The following ZFP2 variants were observed in gnomAD, a reference collection of about 807,000 sequenced individuals.
The protein encoded by ZFP2 is ZFP2 zinc finger protein.
A neutral mutation model predicts 36.1 loss-of-function variants in ZFP2; 33 were observed. The observed-to-expected ratio is 0.92, with a 90% CI of 0.69 to 1.22. ZFP2 has a LOEUF of 1.22. Among genes scored for constraint, ZFP2 ranks in the 50% most tolerant of loss-of-function variants. ZFP2 has a pLI of 0.00. For missense variants in ZFP2, 522 were observed against 551.4 expected, an observed-to-expected ratio of 0.95 and a Z score of 0.53; for synonymous variants, 170 against 178.0, an observed-to-expected ratio of 0.96 and a Z score of 0.36.
chr5:178,903,561 T>A (rs1045896385), intron 1 of ZFP2, among the ~76,000 whole-genome samples: 2 of 152,240 alleles, frequency 1.3e-5, no homozygotes. Context: ...TGCTATACGT[T>A]GCCAGTATTC....
intron 1 of ZFP2, among the ~76,000 whole-genome samples, chr5:178,906,710 TG>T (rs895319586): frequency 6.6e-6 from 1 of 151,852 alleles, no homozygotes; most frequent in East Asian, 1.9e-4. Context: ...TACACGCCAC[TG>T]TGTCTGGCTA....
At position 178,932,380 on chromosome 5, in the gene ZFP2, G is replaced by T; in HGVS notation, c.1067G>T (p.Cys356Phe). The change falls in exon 5 of 5, where the codon TGT becomes TTT. Residue 356 changes from cysteine (C) to phenylalanine (F), a missense_variant. Coordinates refer to ENST00000361362, the MANE Select transcript of ZFP2 (RefSeq NM_030613.4). ...RIHTGEKPYE[C>F]MVCGKHFTGR... ...CACACTGGAGAGAAACCTTATGAGT[G>T]TATGGTGTGTGGAAAACATTTCACT... 6.2e-7 allele frequency: 1 copy of T among 1,614,128 alleles called. No homozygotes were observed. Among genetic ancestry groups the T allele is most frequent in the Non-Finnish European group, 8.5e-7 (1 of 1,180,024 alleles).
At chr5:178,919,807 C>T (rs1758515480) in intron 4 of ZFP2, among the ~76,000 whole-genome samples, 1 of 151,930 alleles carries the variant, frequency 6.6e-6, no homozygotes, top group African/African-American at 2.4e-5. Flanking sequence ...GCAAAAAATA[C>T]AAAACTACCT....
chr5:178,918,261 C>A (rs1035560961), intron 4 of ZFP2, among the ~76,000 whole-genome samples: 4 of 152,066 alleles, frequency 2.6e-5, no homozygotes, highest in African/African-American at 9.7e-5. Context: ...GTTCATAAAA[C>A]CAGTTTGACT....
At chr5:178,903,292 T>A (rs190135187) in intron 1 of ZFP2, among the ~76,000 whole-genome samples, 2 of 152,376 alleles carry the variant, frequency 1.3e-5, no homozygotes, top group East Asian at 3.9e-4. Flanking sequence ...ATGAATTGTC[T>A]AGGTGTTACT....
At chr5:178,905,325 T>C (rs995763490) in intron 1 of ZFP2, among the ~76,000 whole-genome samples, 8 of 152,226 alleles carry the variant, frequency 5.3e-5, no homozygotes, top group African/African-American at 1.7e-4. Flanking sequence ...TTCTTAGGTG[T>C]TTCATTTTCT....
In ZFP2 at chr5:178,932,531, TGA is replaced by T. The variant is rs1457756663; in HGVS notation, c.1221_1222del (p.Lys408ThrfsTer3). On this transcript the variant is annotated frameshift_variant, in exon 5 of 5. Transcript: ENST00000361362. LOFTEE classifies it high-confidence loss of function. ...TTGAACATCAAAGAATTCATACTGG[TGA>T]GAAACCCTATGAATGTGATCAGTGT... Reference protein sequence around the residue: ...LIEHQRIHTGEKPYECDQCGK... With the variant: ...LIEHQRIHTGXKPYECDQCGK... 5.6e-6 allele frequency: 9 copies of T among 1,613,630 alleles called. No homozygotes were observed. The highest frequency in any genetic ancestry group is 7.6e-6 in the Non-Finnish European group (9 of 1,179,956).
chr5:178,897,484 C>G (rs1757967414), intron 1 of ZFP2, among the ~76,000 whole-genome samples: 1 of 152,180 alleles, frequency 6.6e-6, no homozygotes, highest in African/African-American at 2.4e-5. Context: ...GAGAAGCTGT[C>G]TGTCCCACGA....
Position 178,922,808 on chromosome 5 carries a change from C to T in ZFP2, c.-78+6098C>T, listed in dbSNP as rs1561683583. 9 of 1,354,800 alleles carry T rather than the reference C, an allele frequency of 6.6e-6. 2 individuals are homozygous for T. Among genetic ancestry groups the T allele is most frequent in the South Asian group, 1.4e-5 (1 of 71,700 alleles). 83.9% of individuals were successfully genotyped at this position (1,354,800 alleles called of 1,614,324 possible). A position where few individuals can be genotyped will look rare whatever the true frequency, so the allele number is the denominator to read the frequency against. On this transcript the variant is annotated intron_variant, in intron 4 of 4. Coordinates refer to ENST00000361362, the MANE Select transcript of ZFP2 (RefSeq NM_030613.4). ...GGTCAAAGCCAAGCAGTTCCATTTA[C>T]AGCACTGTTTTTTATGTAGTTACAA...
At chr5:178,900,694 C>T (rs1758038224) in intron 1 of ZFP2, among the ~76,000 whole-genome samples, 1 of 22,400 alleles carries the variant, frequency 4.5e-5, no homozygotes, top group Non-Finnish European at 1.2e-4. Flanking sequence ...GTCCTCGTGC[C>T]ACTTCTACTC....
intron 1 of ZFP2, among the ~76,000 whole-genome samples, chr5:178,898,019 C>T (rs939172292): frequency 6.6e-6 from 1 of 152,054 alleles, no homozygotes; most frequent in Admixed American, 6.6e-5. Context: ...GAGACGGAGT[C>T]TTGCTCTGTC....
intron 1 of ZFP2, chr5:178,910,662 C>A (rs570757437): frequency 1.6e-5 from 6 of 369,604 alleles, no homozygotes; most frequent in Non-Finnish European, 3.2e-5. Flanking sequence ...CCCTCACTGC[C>A]GCTGGCCCAT....
intron 1 of ZFP2, among the ~76,000 whole-genome samples, chr5:178,909,027 C>T (rs1024475594): frequency 2.0e-5 from 3 of 150,302 alleles, no homozygotes; most frequent in African/African-American, 7.4e-5. Flanking sequence ...GGCGTAAAAC[C>T]CCTCGTGGCC....
Position 178,922,430 on chromosome 5 carries a change from A to G in ZFP2, c.-78+5720A>G. 2.9e-6 allele frequency: 4 copies of G among 1,361,466 alleles called. 1 individual carries two copies. The highest frequency in any genetic ancestry group is 4.2e-6 in the Non-Finnish European group (4 of 952,678). 84.3% of individuals were successfully genotyped at this position (1,361,466 alleles called of 1,614,324 possible). On this transcript the variant is annotated intron_variant, in intron 4 of 4. Transcript: ENST00000361362. ...ATTTGCAGTTATTTTGTCTACTTTT[A>G]CTATTGTGCCTTACTTATGTTTGTT...
Position 178,931,624 on chromosome 5 carries a change from G to A in ZFP2, c.311G>A (p.Cys104Tyr). The A allele has an allele frequency of 6.2e-7, 1 of 1,614,178 alleles. No homozygotes were observed. The highest frequency in any genetic ancestry group is 8.5e-7 in the Non-Finnish European group (1 of 1,180,030). ...RMFVGKKIYE[C>Y]NQCSKTFSQS... ...TTTGTAGGAAAGAAGATCTATGAAT[G>A]TAATCAGTGCAGCAAAACCTTCAGT... Residue 104 changes from cysteine to tyrosine, a missense_variant, in exon 5 of 5, where the codon TGT becomes TAT. Cys to Tyr is a radical substitution (Grantham distance 194). Transcript: ENST00000361362.
chr5:178,908,793 G>A (rs184205857), intron 1 of ZFP2, among the ~76,000 whole-genome samples: 13 of 152,248 alleles, frequency 8.5e-5, no homozygotes, highest in Admixed American at 8.5e-4. Flanking sequence ...ACATGGTACA[G>A]CATTTTAGAG....
intron 4 of ZFP2, among the ~76,000 whole-genome samples, chr5:178,920,685 A>G (rs949075873): frequency 2.6e-5 from 4 of 151,650 alleles, no homozygotes; most frequent in Non-Finnish European, 5.9e-5. Context: ...ATTTCCACTT[A>G]GTTCTTTTTA....
chr5:178,905,563 A>C (rs541782586), intron 1 of ZFP2, among the ~76,000 whole-genome samples: 1 of 152,124 alleles, frequency 6.6e-6, no homozygotes, highest in South Asian at 2.1e-4. Flanking sequence ...TTTTAGGTTT[A>C]AGAAAACCTC....
At chr5:178,908,377 G>T (rs1425454175) in intron 1 of ZFP2, among the ~76,000 whole-genome samples, 1 of 151,652 alleles carries the variant, frequency 6.6e-6, no homozygotes, top group Non-Finnish European at 1.5e-5. Context: ...AACCTGGGAG[G>T]TGGAGCTTGT....
Sources: gnomAD v4.1 joint callset for allele counts (sites outside exome capture counted in the v4.1 genomes callset) on GRCh38, gnomAD v4.1.1 for gene constraint, MANE v1.5 for transcripts, NCBI Gene and HGNC (gene_info 2026-07-23, HGNC 2026-07-21) for gene names.